The following SLC25A33 variants were observed in gnomAD, a reference collection of about 807,000 sequenced individuals.
SLC25A33 encodes bone marrow stromal cell mitochondrial carrier protein.
In SLC25A33, 15 loss-of-function variants were observed where a neutral mutation model predicts 35.5. The observed-to-expected ratio is 0.42, with a 90% CI of 0.28 to 0.65. The LOEUF (loss-of-function observed/expected upper bound fraction) is 0.65. Ranked by LOEUF, SLC25A33 falls within the 30% of genes least tolerant of loss-of-function variation. SLC25A33 has a pLI of 0.20. For missense variants in SLC25A33, 257 were observed against 398.5 expected (o/e 0.64, Z 3.02); for synonymous variants, 136 against 148.7 (o/e 0.91, Z 0.62).
intron 1 of SLC25A33, among the ~76,000 whole-genome samples, chr1:9,551,142 G>T (rs573764467): frequency 1.3e-5 from 2 of 152,054 alleles, no homozygotes; most frequent in East Asian, 3.9e-4. Context: ...CAGCACTTTG[G>T]GAGGCCAAGG....
chr1:9,557,228 C>A (rs1043401688), intron 2 of SLC25A33, among the ~76,000 whole-genome samples: 1 of 152,090 alleles, frequency 6.6e-6, no homozygotes, highest in Non-Finnish European at 1.5e-5. Flanking sequence ...CCACTGTGCT[C>A]GGCATGAATA....
intron 2 of SLC25A33, among the ~76,000 whole-genome samples, chr1:9,560,331 G>C (rs538348449): frequency 6.6e-6 from 1 of 151,648 alleles, no homozygotes. Flanking sequence ...GCTTGTGGCC[G>C]AGGCGGGCGG....
chr1:9,569,979 A>G (rs886954866), intron 3 of SLC25A33, among the ~76,000 whole-genome samples: 1 of 152,214 alleles, frequency 6.6e-6, no homozygotes, highest in African/African-American at 2.4e-5. Context: ...TCCAGAACGA[A>G]GAATGTAAAA....
intron 5 of SLC25A33, among the ~76,000 whole-genome samples, chr1:9,575,088 C>T (rs1410982969): frequency 2.6e-5 from 4 of 151,638 alleles, no homozygotes; most frequent in Non-Finnish European, 5.9e-5. Flanking sequence ...TGGTGGGCGC[C>T]TGTAGTCCCA....
At chr1:9,569,884 C>G (rs1429520046) in intron 3 of SLC25A33, among the ~76,000 whole-genome samples, 2 of 151,606 alleles carry the variant, frequency 1.3e-5, no homozygotes, top group Non-Finnish European at 2.9e-5. Flanking sequence ...CATTTTGGCA[C>G]AGGGTGAAAA....
intron 1 of SLC25A33, among the ~76,000 whole-genome samples, chr1:9,550,131 G>C (rs1643245973): frequency 7.1e-6 from 1 of 141,284 alleles, no homozygotes; most frequent in Non-Finnish European, 1.5e-5. Flanking sequence ...CTCCTAAGTA[G>C]CTGGGACTAC....
chr1:9,550,785 A>G (rs1643255852), intron 1 of SLC25A33, among the ~76,000 whole-genome samples: 2 of 151,794 alleles, frequency 1.3e-5, no homozygotes, highest in South Asian at 2.1e-4. Context: ...CCATCCTCCC[A>G]CGTCAGCCTC....
intron 3 of SLC25A33, among the ~76,000 whole-genome samples, chr1:9,568,775 C>T (rs1014990782): frequency 1.1e-4 from 16 of 151,554 alleles, no homozygotes; most frequent in African/African-American, 3.9e-4. Flanking sequence ...GGCATGAACC[C>T]GGGAGGCGGA....
intron 2 of SLC25A33, among the ~76,000 whole-genome samples, chr1:9,562,049 C>CAA (rs55912108): frequency 0.21 from 24,243 of 117,060 alleles, 2,384 homozygotes; most frequent in East Asian, 0.32. Context: ...GACTCCGTCT[C>CAA]AAAAAAAAAA....
At chr1:9,563,753 C>T (rs970258610) in intron 2 of SLC25A33, among the ~76,000 whole-genome samples, 5 of 151,852 alleles carry the variant, frequency 3.3e-5, no homozygotes, top group African/African-American at 9.7e-5. Flanking sequence ...CTCTGTTGCC[C>T]GGGCTGGAGT....
At chr1:9,574,085 AGTAGAATAATG>A (rs1643628017) in intron 5 of SLC25A33, among the ~76,000 whole-genome samples, 1 of 150,038 alleles carries the variant, frequency 6.7e-6, no homozygotes, top group South Asian at 2.1e-4. Context: ...ATGCCTCCTA[AGTAGAATAATG>A]TATTTTGTTT....
chr1:9,548,947 T>C (rs757135456), intron 1 of SLC25A33, among the ~76,000 whole-genome samples: 42 of 152,254 alleles, frequency 2.8e-4, no homozygotes, highest in South Asian at 1.0e-3. Flanking sequence ...GGTGTCAACA[T>C]TGGGGTGTGT....
intron 2 of SLC25A33, among the ~76,000 whole-genome samples, chr1:9,564,739 AAT>A (rs70979762): frequency 0.11 from 10,932 of 95,926 alleles, 774 homozygotes; most frequent in South Asian, 0.16. Flanking sequence ...AAAAAAAAAA[AAT>A]ATATATATAT....
intron 1 of SLC25A33, among the ~76,000 whole-genome samples, chr1:9,542,653 GAAAACGAAGTGCACTT>G (rs1052253054): frequency 6.6e-5 from 10 of 152,236 alleles, no homozygotes; most frequent in African/African-American, 2.4e-4. Context: ...CGTCTTTCCA[GAAAACGAAGTGCACTT>G]CCTTTGAAAA....
chr1:9,575,203 A>C (rs1569875139), intron 5 of SLC25A33, among the ~76,000 whole-genome samples: 1 of 126,238 alleles, frequency 7.9e-6, no homozygotes, highest in African/African-American at 3.2e-5. Flanking sequence ...ACAGAGCGAG[A>C]CTCTGGCTCA....
At chr1:9,572,493 C>G (rs888840987) in intron 4 of SLC25A33, among the ~76,000 whole-genome samples, 1 of 151,980 alleles carries the variant, frequency 6.6e-6, no homozygotes, top group Non-Finnish European at 1.5e-5. Context: ...TGGCGGGCAC[C>G]TGTAGTCCCA....
chr1:9,544,948 T>C (rs1643145205), intron 1 of SLC25A33, among the ~76,000 whole-genome samples: 2 of 152,232 alleles, frequency 1.3e-5, no homozygotes, highest in African/African-American at 4.8e-5. Context: ...TAAAATTTTA[T>C]GACTTCTGAT....
chr1:9,578,108 CG>C lies in SLC25A33; in HGVS notation c.483-1842del, dbSNP rs1368816355. Among the ~76,000 whole-genome samples the C allele has an allele frequency of 6.6e-6, 1 of 152,030 alleles. No homozygotes were observed. Among genetic ancestry groups the C allele is most frequent in the African/African-American group, 2.4e-5 (1 of 41,380 alleles). On this transcript the variant is annotated intron_variant, in intron 5 of 6. Transcript: ENST00000302692. This position sits in a 1 kb window ranked among gnomAD's most constrained non-coding sequence, Gnocchi z 4.3. The stretch of plus-strand genomic sequence containing the variant: ...AATTTTTTGTATTTTTTAGTAGAGA[CG>C]GGGTTTCACCGTGTTAGCCAGGATG...
intron 5 of SLC25A33, 113 bp downstream of exon 5, chr1:9,573,525 T>C (rs1643619144): frequency 1.2e-6 from 1 of 855,588 alleles, no homozygotes; most frequent in Non-Finnish European, 1.8e-6. Flanking sequence ...CCCCTCCTCG[T>C]TTCCTTAATC....
Sources: allele counts gnomAD v4.1 joint callset (sites outside exome capture counted in the v4.1 genomes callset), GRCh38; gene constraint gnomAD v4.1.1; non-coding constraint Gnocchi (gnomAD v3.1); transcripts MANE v1.5; gene names NCBI Gene and HGNC (gene_info 2026-07-23, HGNC 2026-07-21).